The following SH3RF3 variants were observed in gnomAD, a reference collection of about 807,000 sequenced individuals.
SH3RF3 encodes SH3 domain containing ring finger 3.
SH3RF3 carries 29 observed loss-of-function variants against 66.3 expected under a neutral mutation model. The ratio of observed to expected loss-of-function variants is 0.44; its 90% confidence interval spans 0.33 to 0.60. The LOEUF is 0.60. Ranked by LOEUF, SH3RF3 falls within the 20% of genes least tolerant of loss-of-function variation. The probability of loss-of-function intolerance (pLI) is 0.04; values close to 1 mark genes in which losing one functional copy is unlikely to be tolerated. For missense variants in SH3RF3, 1,194 were observed against 1,190.9 expected, an observed-to-expected ratio of 1.00 and a Z score of -0.04; for synonymous variants, 583 against 532.0, an observed-to-expected ratio of 1.10 and a Z score of -1.32.
At chr2:109,432,767 G>A (rs916733969) in intron 6 of SH3RF3, 96 bp downstream of exon 6, 2 of 1,457,982 alleles carry the variant, frequency 1.4e-6, no homozygotes, top group African/African-American at 2.8e-5. Context: ...TGTCAGCCGG[G>A]CCCAGAAGGC....
At chr2:109,437,679 A>C (rs974923650) in intron 7 of SH3RF3, among the ~76,000 whole-genome samples, 1 of 151,048 alleles carries the variant, frequency 6.6e-6, no homozygotes, top group African/African-American at 2.4e-5. Context: ...GGCAGGAGGA[A>C]TGACAGCTGT....
chr2:109,431,103 G>T (rs550488063), intron 5 of SH3RF3, among the ~76,000 whole-genome samples: 1 of 152,126 alleles, frequency 6.6e-6, no homozygotes, highest in African/African-American at 2.4e-5. Flanking sequence ...TTGAGCCCTC[G>T]TGAGCTGCAT....
chr2:109,186,476 C>T (rs750957921), intron 1 of SH3RF3, among the ~76,000 whole-genome samples: 5 of 152,214 alleles, frequency 3.3e-5, no homozygotes, highest in Non-Finnish European at 7.3e-5. Context: ...CGTGGGAGTT[C>T]AAGGTGTGTG....
intron 8 of SH3RF3, among the ~76,000 whole-genome samples, chr2:109,477,268 A>G (rs1452884935): frequency 6.6e-6 from 1 of 152,194 alleles, no homozygotes; most frequent in African/African-American, 2.4e-5. Flanking sequence ...GAGTGGGGGA[A>G]GTCACTCCCC....
At chr2:109,344,419 A>G (rs1682634141) in intron 1 of SH3RF3, among the ~76,000 whole-genome samples, 1 of 152,170 alleles carries the variant, frequency 6.6e-6, no homozygotes, top group Non-Finnish European at 1.5e-5. Flanking sequence ...AGAAGCACAG[A>G]CTTCTCGTGA....
intron 4 of SH3RF3, among the ~76,000 whole-genome samples, chr2:109,405,129 C>T (rs554959074): frequency 2.6e-5 from 4 of 152,038 alleles, no homozygotes; most frequent in South Asian, 2.1e-4. Context: ...CCCCAGCCAA[C>T]GTCACCTGCC....
At chr2:109,180,586 C>T (rs1250323966) in intron 1 of SH3RF3, among the ~76,000 whole-genome samples, 1 of 152,162 alleles carries the variant, frequency 6.6e-6, no homozygotes, top group Non-Finnish European at 1.5e-5. Context: ...TTCTCCCATA[C>T]TGTTCTTGTG....
At chr2:109,257,949 G>A (rs1168354112) in intron 1 of SH3RF3, among the ~76,000 whole-genome samples, 1 of 152,020 alleles carries the variant, frequency 6.6e-6, no homozygotes. Context: ...TGCCTTTTGT[G>A]TTCACCATTC....
At chr2:109,249,348 C>G (rs549974660) in intron 1 of SH3RF3, among the ~76,000 whole-genome samples, 3 of 152,156 alleles carry the variant, frequency 2.0e-5, no homozygotes, top group Non-Finnish European at 4.4e-5. Context: ...AAAAAATCCC[C>G]GAGCAAGTTG....
intron 8 of SH3RF3, among the ~76,000 whole-genome samples, chr2:109,466,332 C>T (rs778529967): frequency 6.6e-6 from 1 of 152,130 alleles, no homozygotes; most frequent in Non-Finnish European, 1.5e-5. Context: ...CTGCCCGCCT[C>T]GGCCTCCCAA....
chr2:109,202,287 G>C (rs1431451398), intron 1 of SH3RF3, among the ~76,000 whole-genome samples: 2 of 152,150 alleles, frequency 1.3e-5, no homozygotes. Context: ...TCTCGGCAGC[G>C]TCTGGACCCC....
chr2:109,208,110 C>T (rs1165642259), intron 1 of SH3RF3, among the ~76,000 whole-genome samples: 1 of 152,258 alleles, frequency 6.6e-6, no homozygotes, highest in Admixed American at 6.5e-5. Context: ...CTCAGACACA[C>T]ATGCTGCTGC....
intron 5 of SH3RF3, 26 bp downstream of exon 5, chr2:109,419,668 G>A (rs758055598): frequency 6.5e-7 from 1 of 1,549,744 alleles, no homozygotes; most frequent in Non-Finnish European, 8.7e-7. Flanking sequence ...TGTCTGTCGG[G>A]GTCCTGTGCC....
intron 8 of SH3RF3, among the ~76,000 whole-genome samples, chr2:109,483,563 G>A (rs1678888265): frequency 6.6e-6 from 1 of 152,204 alleles, no homozygotes; most frequent in Non-Finnish European, 1.5e-5. Flanking sequence ...AACTCATGTT[G>A]CTTCCTTTGA....
At chr2:109,218,237 A>G (rs2105135868) in intron 1 of SH3RF3, among the ~76,000 whole-genome samples, 1 of 152,082 alleles carries the variant, frequency 6.6e-6, no homozygotes, top group South Asian at 2.1e-4. Flanking sequence ...TTCATGTGGC[A>G]TGGCACAAAA....
intron 8 of SH3RF3, among the ~76,000 whole-genome samples, chr2:109,480,175 A>G (rs558039956): frequency 1.3e-5 from 2 of 152,336 alleles, no homozygotes; most frequent in African/African-American, 4.8e-5. Flanking sequence ...GCTTTCAGAA[A>G]AGAAGGCGTT....
At chr2:109,202,972 G>T (rs748356462) in intron 1 of SH3RF3, among the ~76,000 whole-genome samples, 4 of 152,204 alleles carry the variant, frequency 2.6e-5, no homozygotes, top group Non-Finnish European at 4.4e-5. Flanking sequence ...TGTGCCTGAG[G>T]ATAACACTTG....
chr2:109,307,466 A>G (rs1225931482), intron 1 of SH3RF3, among the ~76,000 whole-genome samples: 19 of 150,118 alleles, frequency 1.3e-4, no homozygotes, highest in African/African-American at 4.2e-4. Context: ...GTACATGTGC[A>G]CATTGTGCAG....
At chr2:109,378,135 C>T (rs2104366979) in intron 3 of SH3RF3, among the ~76,000 whole-genome samples, 1 of 152,282 alleles carries the variant, frequency 6.6e-6, no homozygotes, top group African/African-American at 2.4e-5. Flanking sequence ...GGGAAGTATC[C>T]CAGGTGCTGA....
Sources: allele counts gnomAD v4.1 joint callset (sites outside exome capture counted in the v4.1 genomes callset), GRCh38; gene constraint gnomAD v4.1.1; transcripts MANE v1.5; gene names NCBI Gene and HGNC (gene_info 2026-07-23, HGNC 2026-07-21).